SLC15A1: variants seen among roughly 807,000 people sequenced by gnomAD.
SLC15A1 encodes the protein Caco-2 oligopeptide transporter.
A neutral mutation model predicts 92.9 loss-of-function variants in SLC15A1; 83 were observed. The ratio of observed to expected loss-of-function variants is 0.89; its 90% confidence interval spans 0.75 to 1.07. SLC15A1 has a LOEUF of 1.07. Ranked by LOEUF, SLC15A1 falls within the 50% of genes least tolerant of loss-of-function variation. The pLI, the probability that SLC15A1 is intolerant of heterozygous loss-of-function variation, is 0.00. For missense variants in SLC15A1, 857 were observed against 880.1 expected (o/e 0.97, Z 0.33); for synonymous variants, 322 against 318.2 (o/e 1.01, Z -0.13).
intron 4 of SLC15A1, among the ~76,000 whole-genome samples, chr13:98,724,976 T>G (rs896381877): frequency 8.5e-5 from 13 of 152,174 alleles, no homozygotes; most frequent in Admixed American, 4.6e-4. Context: ...TGGTGGGAGG[T>G]GTGTGGGACA....
At chr13:98,704,986 G>T (rs558941573) in intron 16 of SLC15A1, among the ~76,000 whole-genome samples, 113 of 152,082 alleles carry the variant, frequency 7.4e-4, no homozygotes, top group African/African-American at 2.7e-3. Context: ...ATCTCTTGAG[G>T]ACGGGAGTTT....
At position 98,708,709 on chromosome 13, in the gene SLC15A1, C is replaced by T; in HGVS notation, c.1126G>A (p.Ala376Thr). 6.2e-7 allele frequency: 1 copy of T among 1,613,348 alleles called. No individual in the cohort carries two copies. Among genetic ancestry groups the T allele is most frequent in the Non-Finnish European group, 8.5e-7 (1 of 1,179,720 alleles). ...ACATCGATTTCCACCTGCACGATGG[C>T]AGCCACCACAAAGGCCATGGAGGCC... ...VLASMAFVVA[A>T]IVQVEIDKTL... The change falls in exon 15 of 23, where the codon GCC becomes ACC. Residue 376 changes from alanine (A) to threonine (T), a missense_variant. Transcript: ENST00000376503.
chr13:98,744,533 G>T (rs1474943464), intron 1 of SLC15A1, among the ~76,000 whole-genome samples: 1 of 151,780 alleles, frequency 6.6e-6, no homozygotes, highest in Non-Finnish European at 1.5e-5. Context: ...GGCAGATCAT[G>T]AGGTTAGGAA....
rs762875088 is a variant in SLC15A1, at chr13:98,721,531, T to C, written c.520A>G (p.Ser174Gly). ...SIFYLAINAG[S>G]LLSTIITPML... ...GGTGTGATGATTGTGGAAAGCAAAC[T>C]TCCAGCATTAATAGCCAAGTAAAAG... Residue 174 changes from serine to glycine, a missense_variant, in exon 7 of 23, where the codon AGT (serine) becomes GGT (glycine). Coordinates refer to ENST00000376503, the MANE Select transcript of SLC15A1 (RefSeq NM_005073.4). 6.2e-7 allele frequency: 1 copy of C among 1,612,892 alleles called. No individual in the cohort carries two copies. The highest frequency in any genetic ancestry group is 8.5e-7 in the Non-Finnish European group (1 of 1,179,426).
At chr13:98,718,826 A>G (rs1461954300) in intron 8 of SLC15A1, among the ~76,000 whole-genome samples, 1 of 152,132 alleles carries the variant, frequency 6.6e-6, no homozygotes, top group African/African-American at 2.4e-5. Context: ...TGTTTGTTTT[A>G]GAGGTAGGGT....
At chr13:98,739,641 C>T (rs1221131150) in intron 1 of SLC15A1, among the ~76,000 whole-genome samples, 1 of 152,126 alleles carries the variant, frequency 6.6e-6, no homozygotes, top group Non-Finnish European at 1.5e-5. Context: ...TTGAGCCCTC[C>T]CCAGAAGTGA....
chr13:98,719,167 T>C (rs2088234243), intron 8 of SLC15A1, 70 bp downstream of exon 8: 2 of 1,094,506 alleles, frequency 1.8e-6, no homozygotes, highest in Non-Finnish European at 2.7e-6. Flanking sequence ...TTTAAAAAAT[T>C]AGTCACAATC....
At chr13:98,736,549 C>T (rs918789520) in intron 1 of SLC15A1, among the ~76,000 whole-genome samples, 7 of 152,148 alleles carry the variant, frequency 4.6e-5, no homozygotes, top group African/African-American at 1.4e-4. Context: ...TCGGAGTGAA[C>T]AGGTAACCAA....
intron 18 of SLC15A1, among the ~76,000 whole-genome samples, chr13:98,691,649 C>T (rs1006623895): frequency 2.9e-4 from 44 of 152,198 alleles, no homozygotes; most frequent in African/African-American, 9.9e-4. Context: ...AGCCCACTAA[C>T]ACTGAAAAGG....
intron 8 of SLC15A1, among the ~76,000 whole-genome samples, chr13:98,718,809 TTTTG>T (rs1211964000): frequency 1.8e-4 from 27 of 152,104 alleles, no homozygotes; most frequent in African/African-American, 6.3e-4. Flanking sequence ...GACTCTGTCT[TTTTG>T]TTTGTTTGTT....
chr13:98,713,594 C>G (rs1292594961), intron 9 of SLC15A1, among the ~76,000 whole-genome samples: 3 of 152,078 alleles, frequency 2.0e-5, no homozygotes, highest in Admixed American at 1.3e-4. Flanking sequence ...TAACACAGGT[C>G]AGAAAAATAC....
Position 98,721,515 on chromosome 13 carries a change from A to G in SLC15A1, c.536T>C (p.Ile179Thr). The change falls in exon 7 of 23, where the codon ATC (isoleucine) becomes ACC (threonine). Residue 179 changes from isoleucine to threonine, a missense_variant. Coordinates refer to ENST00000376503, the MANE Select transcript of SLC15A1 (RefSeq NM_005073.4). The stretch of plus-strand genomic sequence containing the variant: ...CTTACCTCTGAGCATGGGTGTGATG[A>G]TTGTGGAAAGCAAACTTCCAGCATT... ...AINAGSLLSTIITPMLRVQQC... is the reference protein window; with the variant it reads ...AINAGSLLSTTITPMLRVQQC... 6.2e-7 allele frequency: 1 copy of G among 1,613,290 alleles called. No homozygotes were observed. The highest frequency in any genetic ancestry group is 8.5e-7 in the Non-Finnish European group (1 of 1,179,486).
At position 98,717,025 on chromosome 13, in the gene SLC15A1, C is replaced by A. The variant is rs114705617; in HGVS notation, c.641-1065G>T. Among the ~76,000 whole-genome samples, 463 of 152,244 alleles carry A rather than the reference C, an allele frequency of 3.0e-3. 2 individuals carry two copies. Among genetic ancestry groups the A allele is most frequent in the African/African-American group, 9.7e-3 (402 of 41,536 alleles). On this transcript the variant is annotated intron_variant, in intron 8 of 22. Coordinates refer to ENST00000376503, the MANE Select transcript of SLC15A1 (RefSeq NM_005073.4). ...CATAATGAGATCCTATCTCTATCAT[C>A]TTATTAAAAAATTTTTAAAAATTTA...
At chr13:98,724,706 C>A (rs1027149056) in intron 4 of SLC15A1, among the ~76,000 whole-genome samples, 1 of 152,060 alleles carries the variant, frequency 6.6e-6, no homozygotes, top group Non-Finnish European at 1.5e-5. Context: ...ATCTCCTGAC[C>A]TTGTGATCCA....
intron 18 of SLC15A1, among the ~76,000 whole-genome samples, chr13:98,695,543 C>T (rs2088015234): frequency 1.3e-5 from 2 of 152,140 alleles, no homozygotes; most frequent in African/African-American, 2.4e-5. Context: ...CAGGCACACA[C>T]CATGCCCAGC....
At chr13:98,711,493 G>A (rs1017090141) in intron 11 of SLC15A1, among the ~76,000 whole-genome samples, 1 of 152,152 alleles carries the variant, frequency 6.6e-6, no homozygotes, top group African/African-American at 2.4e-5. Flanking sequence ...TCCATAAAAG[G>A]CAATGTAACT....
At chr13:98,752,549 A>G (rs1427117818) in intron 1 of SLC15A1, 46 bp downstream of exon 1, 12 of 1,274,598 alleles carry the variant, frequency 9.4e-6, no homozygotes, top group Admixed American at 3.8e-5. Context: ...CGCCCCGCGT[A>G]GCTCCGAGTC....
Position 98,715,945 on chromosome 13 carries a change from C to A in SLC15A1, c.656G>T (p.Gly219Val), listed in dbSNP as rs757255112. Reference sequence around the variant, plus strand: ...CTTGAACTTCTTGTACATCCCACTGCCAAGGACAAACACAACTAGATAGGG... The same window carrying A: ...CTTGAACTTCTTGTACATCCCACTGACAAGGACAAACACAACTAGATAGGG... ...MAVALIVFVL[G>V]SGMYKKFKPQ... Residue 219 changes from glycine (G) to valine (V), a missense_variant, in exon 9 of 23, where the codon GGC becomes GTC. By Grantham distance (109) the Gly-to-Val change is moderately radical. Coordinates refer to ENST00000376503, the MANE Select transcript of SLC15A1 (RefSeq NM_005073.4). The A allele has an allele frequency of 9.9e-6, 16 of 1,614,038 alleles. No individual in the cohort carries two copies. The highest frequency in any genetic ancestry group is 1.2e-5 in the Non-Finnish European group (14 of 1,179,994).
Position 98,736,041 on chromosome 13 carries a change from C to T in SLC15A1, c.5-9182G>A, listed in dbSNP as rs1007014703. Among the ~76,000 whole-genome samples, 5 of 152,056 alleles carry T rather than the reference C, an allele frequency of 3.3e-5. No homozygotes were observed. In the South Asian group the frequency reaches 6.2e-4, roughly 19 times the overall value. On this transcript the variant is annotated intron_variant, in intron 1 of 22. Coordinates refer to ENST00000376503, the MANE Select transcript of SLC15A1 (RefSeq NM_005073.4). ...AAGAGCCCTCTTTGCCAAGACAATC[C>T]CAAGCAAAAAGAACAAAGCTGGAGG... is the stretch of plus-strand genomic sequence containing the variant.
Sources: allele counts gnomAD v4.1 joint callset (sites outside exome capture counted in the v4.1 genomes callset), GRCh38; gene constraint gnomAD v4.1.1; transcripts MANE v1.5; gene names NCBI Gene and HGNC (gene_info 2026-07-23, HGNC 2026-07-21).